The following CLSTN2 variants were observed in gnomAD, a reference collection of about 807,000 sequenced individuals.
CLSTN2 encodes calsyntenin 2.
A neutral mutation model predicts 101.2 loss-of-function variants in CLSTN2; 48 were observed. That is an observed-to-expected ratio of 0.47 (90% CI 0.38 to 0.60). The LOEUF is 0.60. Among genes scored for constraint, CLSTN2 ranks in the 20% least tolerant of loss-of-function variants. The probability of loss-of-function intolerance (pLI) is 0.00; values close to 1 mark genes in which losing one functional copy is unlikely to be tolerated. For synonymous variants in CLSTN2, 481 were observed against 463.6 expected (o/e 1.04, Z -0.48); for missense variants, 1,160 against 1,238.2 (o/e 0.94, Z 0.95).
chr3:140,526,628 AAACAAC>A (rs956278660), intron 8 of CLSTN2, among the ~76,000 whole-genome samples: 2 of 145,264 alleles, frequency 1.4e-5, no homozygotes, highest in Non-Finnish European at 3.0e-5. Flanking sequence ...AATACTGAGC[AAACAAC>A]AACAACAACA....
chr3:140,407,106 G>C (rs1335569311), intron 4 of CLSTN2, among the ~76,000 whole-genome samples: 2 of 152,174 alleles, frequency 1.3e-5, no homozygotes, highest in South Asian at 2.1e-4. Context: ...AGTCCTCCAG[G>C]TAATGAAGCA....
chr3:140,513,583 C>CTTCTTTTTT (rs374321434), intron 8 of CLSTN2, among the ~76,000 whole-genome samples: 1 of 117,766 alleles, frequency 8.5e-6, no homozygotes, highest in African/African-American at 3.3e-5. Context: ...TTTTTTCTTT[C>CTTCTTTTTT]TTTTTTTTTT....
At chr3:140,476,712 G>A (rs1201339661) in intron 8 of CLSTN2, among the ~76,000 whole-genome samples, 3 of 146,506 alleles carry the variant, frequency 2.0e-5, no homozygotes, top group East Asian at 2.0e-4. Flanking sequence ...AGACTGGAGT[G>A]CAGTGGCGTG....
intron 1 of CLSTN2, among the ~76,000 whole-genome samples, chr3:140,102,275 C>G (rs947061561): frequency 3.9e-5 from 6 of 152,176 alleles, no homozygotes; most frequent in Admixed American, 3.9e-4. Flanking sequence ...GAGTTGACAT[C>G]CCCAAAGAGA....
chr3:140,145,098 T>C (rs1295733364), intron 1 of CLSTN2, among the ~76,000 whole-genome samples: 1 of 152,234 alleles, frequency 6.6e-6, no homozygotes, highest in African/African-American at 2.4e-5. Flanking sequence ...TCAGAGGACA[T>C]GTCTTAACAA....
intron 8 of CLSTN2, among the ~76,000 whole-genome samples, chr3:140,499,726 C>G (rs529739602): frequency 2.6e-5 from 4 of 152,090 alleles, no homozygotes; most frequent in Non-Finnish European, 5.9e-5. Context: ...GAAGTTCTGC[C>G]TCTTGTTATG....
chr3:140,309,961 G>A (rs903058976), intron 2 of CLSTN2, among the ~76,000 whole-genome samples: 5 of 152,110 alleles, frequency 3.3e-5, no homozygotes, highest in African/African-American at 1.2e-4. Context: ...GTGGCGGCTT[G>A]TTCCCCAGTC....
intron 1 of CLSTN2, among the ~76,000 whole-genome samples, chr3:140,111,026 G>A (rs970407978): frequency 6.6e-6 from 1 of 152,086 alleles, no homozygotes; most frequent in African/African-American, 2.4e-5. Context: ...TTCTCCTATT[G>A]TTCTCAGGAG....
intron 2 of CLSTN2, among the ~76,000 whole-genome samples, chr3:140,284,337 G>A (rs948570895): frequency 6.6e-6 from 1 of 152,034 alleles, no homozygotes. Flanking sequence ...TTGTTAAATT[G>A]AACTGAATTG....
intron 1 of CLSTN2, among the ~76,000 whole-genome samples, chr3:140,111,937 C>T (rs896927789): frequency 6.6e-6 from 1 of 152,196 alleles, no homozygotes; most frequent in African/African-American, 2.4e-5. Flanking sequence ...TTACCCACGA[C>T]CACACAGCCA....
chr3:140,481,479 G>C (rs1217376963), intron 8 of CLSTN2, among the ~76,000 whole-genome samples: 1 of 152,148 alleles, frequency 6.6e-6, no homozygotes, highest in African/African-American at 2.4e-5. Flanking sequence ...TTCCAATTCT[G>C]TGAAGAAAGT....
chr3:140,393,091 C>A (rs1264803908), intron 2 of CLSTN2, among the ~76,000 whole-genome samples: 1 of 152,164 alleles, frequency 6.6e-6, no homozygotes, highest in Non-Finnish European at 1.5e-5. Flanking sequence ...GACCCAATCA[C>A]CTCTTAAAGG....
chr3:140,005,113 C>A (rs1031965218), intron 1 of CLSTN2, among the ~76,000 whole-genome samples: 1 of 152,130 alleles, frequency 6.6e-6, no homozygotes, highest in Non-Finnish European at 1.5e-5. Flanking sequence ...TCCAAGAACC[C>A]AAGGGTAAAG....
At chr3:140,307,615 G>A (rs1420821176) in intron 2 of CLSTN2, among the ~76,000 whole-genome samples, 2 of 152,114 alleles carry the variant, frequency 1.3e-5, no homozygotes, top group Non-Finnish European at 2.9e-5. Context: ...CCTTTTTCAG[G>A]ACGTGGCACA....
intron 2 of CLSTN2, among the ~76,000 whole-genome samples, chr3:140,181,138 G>A (rs1392397032): frequency 6.6e-6 from 1 of 152,206 alleles, no homozygotes; most frequent in Non-Finnish European, 1.5e-5. Context: ...CTAGCTGTAT[G>A]ATCTCAGATA....
rs1161318846 is a variant in CLSTN2, at chr3:140,226,734, A to G, written c.232+50661A>G. On this transcript the variant is annotated intron_variant, in intron 2 of 16. Coordinates refer to ENST00000458420, the MANE Select transcript of CLSTN2 (RefSeq NM_022131.3). ...CCCAAGGCTGAGCAACTTACAAAAG[A>G]AAGACAGGACTTACAGTTCCATGTG... Among the ~76,000 whole-genome samples, 5 of 152,328 alleles carry G rather than the reference A, an allele frequency of 3.3e-5. No individual in the cohort carries two copies. The East Asian group carries it at 9.6e-4, about 29-fold the overall frequency.
chr3:140,370,811 G>A (rs1343672156), intron 2 of CLSTN2, among the ~76,000 whole-genome samples: 1 of 152,164 alleles, frequency 6.6e-6, no homozygotes, highest in Non-Finnish European at 1.5e-5. Context: ...TTGGGGGCAT[G>A]CTGGATGCAT....
At chr3:140,522,872 C>A (rs1935060097) in intron 8 of CLSTN2, among the ~76,000 whole-genome samples, 1 of 148,732 alleles carries the variant, frequency 6.7e-6, no homozygotes, top group African/African-American at 2.5e-5. Flanking sequence ...TGAGTTTAAT[C>A]ATTTGCTGTG....
intron 8 of CLSTN2, among the ~76,000 whole-genome samples, chr3:140,512,344 GTTC>G (rs1203821715): frequency 1.3e-5 from 2 of 152,184 alleles, no homozygotes; most frequent in Non-Finnish European, 2.9e-5. Flanking sequence ...TGGCTAGCCA[GTTC>G]TCCCAGCACG....
Sources: gnomAD v4.1 joint callset for allele counts (sites outside exome capture counted in the v4.1 genomes callset) on GRCh38, gnomAD v4.1.1 for gene constraint, MANE v1.5 for transcripts, NCBI Gene and HGNC (gene_info 2026-07-23, HGNC 2026-07-21) for gene names.